HERC1: variants seen among roughly 807,000 people sequenced by gnomAD.
HERC1 encodes the protein probable E3 ubiquitin-protein ligase HERC1.
In HERC1, 160 loss-of-function variants were observed where a neutral mutation model predicts 554.3. The ratio of observed to expected loss-of-function variants is 0.29; its 90% CI spans 0.25 to 0.33. HERC1 has a LOEUF of 0.33. Ranked by LOEUF, HERC1 falls within the 10% of genes least tolerant of loss-of-function variation. The pLI is 1.00. For missense variants in HERC1, 4,919 were observed against 5,918.5 expected (o/e 0.83, Z 5.54); for synonymous variants, 2,175 against 2,131.7 (o/e 1.02, Z -0.56).
At chr15:63,613,923 A>AATACC (rs1403170546) in intron 76 of HERC1, among the ~76,000 whole-genome samples, 1 of 152,182 alleles carries the variant, frequency 6.6e-6, no homozygotes, top group East Asian at 1.9e-4. Context: ...TCAATACCCC[A>AATACC]CCAAAGTCTG....
At chr15:63,744,622 T>C (rs191253512) in intron 12 of HERC1, among the ~76,000 whole-genome samples, 1 of 152,234 alleles carries the variant, frequency 6.6e-6, no homozygotes, top group East Asian at 1.9e-4. Context: ...GCCCCATAGC[T>C]ACCACCACCC....
intron 24 of HERC1, among the ~76,000 whole-genome samples, chr15:63,709,914 A>G (rs1179572223): frequency 6.6e-6 from 1 of 152,250 alleles, no homozygotes; most frequent in Non-Finnish European, 1.5e-5. Context: ...GTAGCTGGGA[A>G]AGCTTTCTGG....
At chr15:63,634,012 T>C (rs374823124) in intron 66 of HERC1, 42 bp from the exon 67 acceptor site, 7 of 1,607,456 alleles carry the variant, frequency 4.4e-6, no homozygotes, top group Non-Finnish European at 6.0e-6. Flanking sequence ...TCACAAGACC[T>C]AAAACACACT....
intron 39 of HERC1, among the ~76,000 whole-genome samples, chr15:63,671,666 C>G (rs1034216920): frequency 4.6e-5 from 7 of 152,092 alleles, no homozygotes; most frequent in African/African-American, 1.7e-4. Flanking sequence ...AGGGATACAG[C>G]CCTAGAGCTT....
intron 12 of HERC1, among the ~76,000 whole-genome samples, chr15:63,743,703 G>T (rs1660889199): frequency 6.6e-6 from 1 of 152,128 alleles, no homozygotes; most frequent in African/African-American, 2.4e-5. Context: ...TTATGTGATA[G>T]GATTCTGAAT....
intron 12 of HERC1, among the ~76,000 whole-genome samples, chr15:63,741,282 C>G (rs2074793701): frequency 6.6e-6 from 1 of 151,848 alleles, no homozygotes; most frequent in Non-Finnish European, 1.5e-5. Context: ...CCGCCTCAGC[C>G]TCTCAAAGTG....
At chr15:63,804,032 G>T (rs1391463127) in intron 1 of HERC1, among the ~76,000 whole-genome samples, 1 of 152,162 alleles carries the variant, frequency 6.6e-6, no homozygotes, top group Admixed American at 6.5e-5. Context: ...AGTTTAATAG[G>T]AAAAGGATAA....
intron 22 of HERC1, among the ~76,000 whole-genome samples, chr15:63,715,594 T>A (rs2073511204): frequency 6.6e-6 from 1 of 152,226 alleles, no homozygotes; most frequent in South Asian, 2.1e-4. Context: ...CCAAGTTAAT[T>A]GACAGATACA....
chr15:63,819,526 T>C (rs1245752658), intron 1 of HERC1, among the ~76,000 whole-genome samples: 2 of 152,212 alleles, frequency 1.3e-5, no homozygotes, highest in East Asian at 3.8e-4. Context: ...GGCATAAAGA[T>C]TCACTAATAT....
chr15:63,615,100 T>A (rs2067757072), intron 76 of HERC1, among the ~76,000 whole-genome samples: 1 of 152,136 alleles, frequency 6.6e-6, no homozygotes, highest in African/African-American at 2.4e-5. Flanking sequence ...ACGTGGGCCC[T>A]GACTAACCCA....
At chr15:63,785,942 G>A (rs1018199749) in intron 1 of HERC1, among the ~76,000 whole-genome samples, 1 of 152,058 alleles carries the variant, frequency 6.6e-6, no homozygotes, top group African/African-American at 2.4e-5. Context: ...CTGGACTCAG[G>A]CAATCTTCCC....
chr15:63,630,920 A>G (rs186419568), intron 68 of HERC1, among the ~76,000 whole-genome samples: 84 of 152,326 alleles, frequency 5.5e-4, no homozygotes, highest in African/African-American at 2.0e-3. Flanking sequence ...GGCTTCTCCA[A>G]TATCCACATC....
In HERC1 at chr15:63,758,415, G is replaced by T; in HGVS notation, c.1027-46C>A. The T allele has an allele frequency of 7.1e-7, 1 of 1,412,914 alleles. No individual in the cohort carries two copies. The highest frequency in any genetic ancestry group is 9.7e-7 in the Non-Finnish European group (1 of 1,033,594). The allele number at this position is 1,412,914 out of a possible 1,614,324, so 87.5% of individuals were successfully genotyped here. On this transcript the variant is annotated intron_variant, in intron 3 of 77. Transcript: ENST00000443617. This position sits in a 1 kb window ranked among gnomAD's most constrained non-coding sequence, Gnocchi z 4.0. ...GCAACAAATAGTCAAGACAGTTTTA[G>T]TCTGGGCATTTTTTATACATATCCT...
intron 1 of HERC1, among the ~76,000 whole-genome samples, chr15:63,826,802 AAAAAAAAAAAAAATATAT>A (rs1174352295): frequency 3.5e-5 from 2 of 57,116 alleles, no homozygotes; most frequent in South Asian, 4.6e-4. Flanking sequence ...AAAAAAAAAA[AAAAAAAAAAAAAATATAT>A]ATATATATAT....
chr15:63,640,348 T>A lies in HERC1; in HGVS notation c.11705A>T (p.Asn3902Ile). Residue 3902 changes from asparagine (N) to isoleucine (I), a missense_variant, in exon 61 of 78, where the codon AAC becomes ATC. Transcript: ENST00000443617. ...CTGGTGGTGTGGTGGCACTGGAGGGTTACACAACAGCTGATCCAGATGAAG... is the reference window on the plus strand; with the variant it reads ...CTGGTGGTGTGGTGGCACTGGAGGGATACACAACAGCTGATCCAGATGAAG... ...VGLHLDQLLC[N>I]PPVPPHHQNC... The A allele has an allele frequency of 6.2e-7, 1 of 1,613,636 alleles. No homozygotes were observed. Among genetic ancestry groups the A allele is most frequent in the Non-Finnish European group, 8.5e-7 (1 of 1,179,746 alleles).
rs768293063 is a variant in HERC1 at position 63,694,944 on chromosome 15, G to A, written c.5122-50C>T. The A allele has an allele frequency of 6.5e-7, 1 of 1,538,614 alleles. No homozygotes were observed. The highest frequency in any genetic ancestry group is 8.8e-7 in the Non-Finnish European group (1 of 1,136,190). On this transcript the variant is annotated intron_variant, in intron 27 of 77. Transcript: ENST00000443617. This position sits in a 1 kb window ranked among gnomAD's most constrained non-coding sequence, Gnocchi z 4.3. ...TTTTCTATTAGCAACAATAATACCTGCTTGCAAAAAGAAGTAATAACATTT... is the reference window on the plus strand; with the variant it reads ...TTTTCTATTAGCAACAATAATACCTACTTGCAAAAAGAAGTAATAACATTT...
intron 39 of HERC1, among the ~76,000 whole-genome samples, chr15:63,671,869 T>G (rs925882532): frequency 7.2e-5 from 11 of 152,320 alleles, no homozygotes; most frequent in Middle Eastern, 3.4e-3. Context: ...AAGTCATAGT[T>G]AAGAGAGCTC....
intron 1 of HERC1, among the ~76,000 whole-genome samples, chr15:63,796,337 C>T (rs981360414): frequency 1.3e-5 from 2 of 152,148 alleles, no homozygotes; most frequent in African/African-American, 2.4e-5. Context: ...AAGGGTACTA[C>T]TGAAATGTGA....
At chr15:63,733,173 A>C (rs1274310520) in intron 13 of HERC1, 28 bp from the exon 14 acceptor site, 1 of 1,455,114 alleles carries the variant, frequency 6.9e-7, no homozygotes, top group Admixed American at 1.7e-5. Flanking sequence ...AGGAACAAGT[A>C]ACTAGCGTAA....
Sources: allele counts gnomAD v4.1 joint callset (sites outside exome capture counted in the v4.1 genomes callset), GRCh38; gene constraint gnomAD v4.1.1; non-coding constraint Gnocchi (gnomAD v3.1); transcripts MANE v1.5; gene names NCBI Gene and HGNC (gene_info 2026-07-23, HGNC 2026-07-21).